The following PCDHGB4 variants were observed in gnomAD, a reference collection of about 807,000 sequenced individuals.
The protein encoded by PCDHGB4 is protocadherin gamma subfamily B, 4.
In PCDHGB4, 38 loss-of-function variants were observed where a neutral mutation model predicts 60.5. That is an observed-to-expected ratio of 0.63 (90% CI 0.48 to 0.82). The LOEUF is 0.82. Among genes scored for constraint, PCDHGB4 ranks in the 40% least tolerant of loss-of-function variants. PCDHGB4 has a pLI of 0.00. For missense variants in PCDHGB4, 1,109 were observed against 1,209.6 expected (o/e 0.92, Z 1.23); for synonymous variants, 456 against 509.7 (o/e 0.89, Z 1.42).
At chr5:141,455,552 G>T (rs897699654) in intron 1 of PCDHGB4, among the ~76,000 whole-genome samples, 1 of 152,144 alleles carries the variant, frequency 6.6e-6, no homozygotes, top group African/African-American at 2.4e-5. Flanking sequence ...CGTAGCCCGA[G>T]AAAAAGCTGG....
intron 1 of PCDHGB4, chr5:141,417,205 C>G (rs1217296715): frequency 6.6e-6 from 1 of 151,986 alleles, no homozygotes; most frequent in Non-Finnish European, 1.5e-5. Context: ...TGAATATAGG[C>G]TAGAATTGAA....
rs779871354 is a variant in PCDHGB4 at position 141,428,131 on chromosome 5, G to A, written c.2397+37850G>A. 8.7e-6 allele frequency: 14 copies of A among 1,602,720 alleles called. No homozygotes were observed. The South Asian group carries it at 1.5e-4, about 18-fold the overall frequency. On this transcript the variant is annotated intron_variant, in intron 1 of 3. Transcript: ENST00000519479. ...CAGGCCATCGAGCCCGGGCTTTTCA[G>A]CCTGGGGCTGCACACGGGAACCTGC...
At position 141,486,001 on chromosome 5, in the gene PCDHGB4, C is replaced by G. The variant is rs771993915; in HGVS notation, c.2398-8806C>G. 6.2e-7 allele frequency: 1 copy of G among 1,614,194 alleles called. No homozygotes were observed. Among genetic ancestry groups the G allele is most frequent in the Non-Finnish European group, 8.5e-7 (1 of 1,180,024 alleles). On this transcript the variant is annotated intron_variant, in intron 1 of 3. Transcript: ENST00000519479. The surrounding 1 kb of genome is among the most constrained non-coding windows in gnomAD (Gnocchi z 5.0). ...ACCCGGACCTGGGTCCCAGTGGTAACGTCACCTTTTATTTCAGTGGTCATA... is the reference window on the plus strand; with the variant it reads ...ACCCGGACCTGGGTCCCAGTGGTAAGGTCACCTTTTATTTCAGTGGTCATA...
At position 141,387,734 on chromosome 5, in the gene PCDHGB4, T is replaced by C; in HGVS notation, c.-151T>C. 7.7e-7 allele frequency: 1 copy of C among 1,302,214 alleles called. No individual in the cohort carries two copies. Among genetic ancestry groups the C allele is most frequent in the East Asian group, 2.5e-5 (1 of 39,514 alleles). 80.7% of individuals were successfully genotyped at this position (1,302,214 alleles called of 1,614,324 possible). A position where few individuals can be genotyped will look rare whatever the true frequency, so the allele number is the denominator to read the frequency against. ...AGCTCAGACTCCCCAGCGCCAGCCT[T>C]TACACCGCTTCCTCCTCGGAAAAAG... On this transcript the variant is annotated 5_prime_UTR_variant, in exon 1 of 4. Transcript: ENST00000519479.
At chr5:141,456,912 G>A (rs566842808) in intron 1 of PCDHGB4, among the ~76,000 whole-genome samples, 2 of 152,206 alleles carry the variant, frequency 1.3e-5, no homozygotes, top group South Asian at 2.1e-4. Context: ...GCAGTGAGCC[G>A]AGATCGCACC....
At chr5:141,420,458 CAA>C (rs1269245240) in intron 1 of PCDHGB4, 1 of 925,076 alleles carries the variant, frequency 1.1e-6, no homozygotes, top group Non-Finnish European at 1.5e-6. Context: ...TCCTACTATT[CAA>C]AGACATTTTA....
chr5:141,485,221 C>G lies in PCDHGB4; in HGVS notation c.2398-9586C>G. ...GGACAGAAATCTGGCGGTGGGCTACCCTTTTGTTCCTCTTTTACCACCTGG... is the reference window on the plus strand; with the variant it reads ...GGACAGAAATCTGGCGGTGGGCTACGCTTTTGTTCCTCTTTTACCACCTGG... On this transcript the variant is annotated intron_variant, in intron 1 of 3. Transcript: ENST00000519479. The surrounding 1 kb of genome is among the most constrained non-coding windows in gnomAD (Gnocchi z 5.7). The G allele has an allele frequency of 6.2e-7, 1 of 1,614,118 alleles. No individual in the cohort carries two copies. Among genetic ancestry groups the G allele is most frequent in the Non-Finnish European group, 8.5e-7 (1 of 1,180,010 alleles).
At chr5:141,439,472 A>G (rs1185561573) in intron 1 of PCDHGB4, among the ~76,000 whole-genome samples, 3 of 152,228 alleles carry the variant, frequency 2.0e-5, no homozygotes, top group Non-Finnish European at 4.4e-5. Flanking sequence ...GCTGCCTTTC[A>G]GCTTGCAAAT....
chr5:141,394,138 T>C (rs1360282699), intron 1 of PCDHGB4: 1 of 1,613,860 alleles, frequency 6.2e-7, no homozygotes. Flanking sequence ...GCTCTGCACG[T>C]GGCAGACATT....
intron 1 of PCDHGB4, chr5:141,428,064 G>A: frequency 6.2e-7 from 1 of 1,609,060 alleles, no homozygotes; most frequent in East Asian, 2.2e-5. Flanking sequence ...GGCGGTGGAC[G>A]CAGATTCGGG....
intron 1 of PCDHGB4, chr5:141,395,603 G>C: frequency 5.0e-6 from 1 of 198,204 alleles, no homozygotes; most frequent in Non-Finnish European, 1.0e-5. Context: ...TCCCAAACTA[G>C]AACTTCAGAA....
intron 1 of PCDHGB4, among the ~76,000 whole-genome samples, chr5:141,494,338 ACAG>A (rs2099753688): frequency 6.6e-6 from 1 of 152,224 alleles, no homozygotes; most frequent in African/African-American, 2.4e-5. Flanking sequence ...GTTACCAAGA[ACAG>A]CAGCCATCTT....
chr5:141,445,991 T>C (rs532620580), intron 1 of PCDHGB4, among the ~76,000 whole-genome samples: 147 of 152,168 alleles, frequency 9.7e-4, no homozygotes, highest in Admixed American at 3.4e-3. Context: ...TAAATAGAAA[T>C]AGGAAGATAA....
chr5:141,393,630 A>T (rs1298038670), intron 1 of PCDHGB4: 7 of 1,613,976 alleles, frequency 4.3e-6, no homozygotes, highest in Non-Finnish European at 5.9e-6. Flanking sequence ...GGATGAGGGA[A>T]TCAACGGAAA....
intron 1 of PCDHGB4, chr5:141,399,913 C>T: frequency 2.5e-6 from 4 of 1,612,372 alleles, no homozygotes; most frequent in Non-Finnish European, 3.4e-6. Context: ...AGACTCAGGA[C>T]ACAACGCCTG....
At chr5:141,510,518 G>A (rs904482737) in intron 3 of PCDHGB4, among the ~76,000 whole-genome samples, 9 of 152,112 alleles carry the variant, frequency 5.9e-5, no homozygotes, top group Non-Finnish European at 1.0e-4. Flanking sequence ...CCGTGTCACA[G>A]CCCTGAGAGA....
chr5:141,473,479 G>A (rs1417960508), intron 1 of PCDHGB4, among the ~76,000 whole-genome samples: 1 of 152,118 alleles, frequency 6.6e-6, no homozygotes, highest in Non-Finnish European at 1.5e-5. Flanking sequence ...AAGTTCAATG[G>A]AAAAAATATA....
At chr5:141,465,293 G>A (rs1407146382) in intron 1 of PCDHGB4, among the ~76,000 whole-genome samples, 2 of 152,258 alleles carry the variant, frequency 1.3e-5, no homozygotes, top group South Asian at 2.1e-4. Flanking sequence ...AAAGAACTGA[G>A]AGTCCTGGGA....
chr5:141,415,113 C>T, intron 1 of PCDHGB4: 1 of 1,613,642 alleles, frequency 6.2e-7, no homozygotes, highest in Middle Eastern at 1.7e-4. Context: ...AGCAAAGCCT[C>T]GTAGTGGCCG....
Sources: gnomAD v4.1 joint callset for allele counts (sites outside exome capture counted in the v4.1 genomes callset) on GRCh38, gnomAD v4.1.1 for gene constraint, Gnocchi (gnomAD v3.1) non-coding constraint, MANE v1.5 for transcripts, NCBI Gene and HGNC (gene_info 2026-07-23, HGNC 2026-07-21) for gene names.